The following PVT1 variants were observed in gnomAD, a reference collection of about 807,000 sequenced individuals.
PVT1 encodes Pvt1 oncogene, also known as CXCR4/PVT1 fusion.
At chr8:128,047,066 A>T (rs1813623843) in intron 4 of PVT1, among the ~76,000 whole-genome samples, 1 of 152,218 alleles carries the variant, frequency 6.6e-6, no homozygotes, top group Non-Finnish European at 1.5e-5. Flanking sequence ...TCTTTTGACT[A>T]TCCAAAGGTG....
At chr8:127,947,688 C>T (rs1816439481) in intron 3 of PVT1, 1 of 456,040 alleles carries the variant, frequency 2.2e-6, no homozygotes, top group African/African-American at 2.0e-5. Flanking sequence ...ACATGGCCAG[C>T]TGTGTTGTGA....
chr8:128,065,492 C>T (rs1163832785), intron 4 of PVT1, among the ~76,000 whole-genome samples: 1 of 152,166 alleles, frequency 6.6e-6, no homozygotes, highest in African/African-American at 2.4e-5. Context: ...AGCCAGAAGT[C>T]TCTTCTTCAT....
At chr8:127,946,095 A>G (rs916928903) in intron 3 of PVT1, among the ~76,000 whole-genome samples, 1 of 152,230 alleles carries the variant, frequency 6.6e-6, no homozygotes, top group Non-Finnish European at 1.5e-5. Flanking sequence ...CAGGAAAAAC[A>G]CTGCAGGCCA....
chr8:128,003,650 T>C (rs759620322), intron 4 of PVT1, among the ~76,000 whole-genome samples: 19 of 152,264 alleles, frequency 1.2e-4, no homozygotes, highest in Non-Finnish European at 2.8e-4. Flanking sequence ...TTCTTTTTTA[T>C]AAAATGTCTT....
chr8:127,970,285 ATTTGTTTTTT>A (rs1264369408), intron 3 of PVT1, among the ~76,000 whole-genome samples: 1 of 26,816 alleles, frequency 3.7e-5, no homozygotes, highest in Non-Finnish European at 7.7e-5. Context: ...ATCTGCCATG[ATTTGTTTTTT>A]TTTTTTTTTT....
intron 3 of PVT1, among the ~76,000 whole-genome samples, chr8:127,938,524 A>G (rs1256588217): frequency 3.9e-5 from 6 of 152,232 alleles, no homozygotes. Context: ...TGGCTTCAAA[A>G]ATATATGTAT....
chr8:127,913,422 G>T (rs1019095997), intron 3 of PVT1, among the ~76,000 whole-genome samples: 1 of 152,188 alleles, frequency 6.6e-6, no homozygotes, highest in Non-Finnish European at 1.5e-5. Flanking sequence ...GAGGCCATGG[G>T]GTGTTAAGGT....
At chr8:127,887,800 T>A (rs993749854) in intron 2 of PVT1, among the ~76,000 whole-genome samples, 3 of 151,592 alleles carry the variant, frequency 2.0e-5, no homozygotes, top group African/African-American at 7.3e-5. Context: ...GTGCTGGGAT[T>A]TACAGGCATG....
intron 3 of PVT1, among the ~76,000 whole-genome samples, chr8:127,962,825 G>GGTCTCAAAC (rs1816660668): frequency 6.6e-6 from 1 of 151,950 alleles, no homozygotes; most frequent in African/African-American, 2.4e-5. Flanking sequence ...TCAAACACCT[G>GGTCTCAAAC]ACCTCAGGTG....
intron 3 of PVT1, among the ~76,000 whole-genome samples, chr8:127,960,962 C>T (rs888603532): frequency 4.4e-5 from 6 of 135,820 alleles, no homozygotes; most frequent in Admixed American, 2.3e-4. Flanking sequence ...CGGGCGGGCA[C>T]GAATAGGGGA....
At chr8:127,856,169 G>T (rs781423342) in intron 2 of PVT1, among the ~76,000 whole-genome samples, 40 of 152,094 alleles carry the variant, frequency 2.6e-4, no homozygotes, top group Middle Eastern at 3.4e-3. Context: ...ATGTGTAGAC[G>T]AAAGGATGAG....
At chr8:127,947,777 A>T (rs1302963498) in intron 3 of PVT1, 1 of 456,538 alleles carries the variant, frequency 2.2e-6, no homozygotes, top group Admixed American at 2.3e-5. Context: ...AGGTTTCTGA[A>T]TCTTGTGAAA....
intron 6 of PVT1, among the ~76,000 whole-genome samples, chr8:128,099,055 T>A (rs1814467041): frequency 6.6e-6 from 1 of 152,206 alleles, no homozygotes; most frequent in Non-Finnish European, 1.5e-5. Flanking sequence ...TACCCCATTT[T>A]ACAGACAATT....
rs199686932 is a variant in PVT1, at chr8:127,817,475, ATG to A, written n.372+21420_372+21421del. ...CCCTTAGGGAAATATATATATATAT[ATG>A]TGTGTGTGTGTGTGTATATACATAT... On this transcript the variant is annotated intron_variant and non_coding_transcript_variant, in intron 2 of 10. Transcript: ENST00000651587. Among the ~76,000 whole-genome samples, 30 of 95,260 alleles carry A rather than the reference ATG, an allele frequency of 3.1e-4. 1 individual carries two copies. The highest frequency in any genetic ancestry group is 1.5e-3 in the East Asian group (5 of 3,366). The allele number at this position is 95,260 out of a possible 152,430, so 62.5% of individuals were successfully genotyped here.
At chr8:127,984,909 CTTTCTTTCTTTCTCTTTCTCTT>C (rs1816939534) in intron 3 of PVT1, among the ~76,000 whole-genome samples, 11 of 89,828 alleles carry the variant, frequency 1.2e-4, no homozygotes, top group Admixed American at 1.5e-4. Context: ...TTCTTTCTTT[CTTTCTTTCTTTCTCTTTCTCTT>C]TCTTTCTTTC....
intron 4 of PVT1, among the ~76,000 whole-genome samples, chr8:127,997,779 T>C (rs1165149935): frequency 2.0e-5 from 3 of 152,226 alleles, no homozygotes; most frequent in Non-Finnish European, 4.4e-5. Context: ...TTTACTGAAG[T>C]TGAAACATTA....
Position 127,804,719 on chromosome 8 carries a change from C to CT in PVT1, n.372+8659dup, listed in dbSNP as rs1421093941. On this transcript the variant is annotated intron_variant and non_coding_transcript_variant, in intron 2 of 10. Transcript: ENST00000651587. Reference sequence around the variant, plus strand: ...AAATTTTTTTTCTTTCTTTCTTTTTCTTTTTTTTTTTGTATTTTTAGTTCA... The same window carrying CT: ...AAATTTTTTTTCTTTCTTTCTTTTTCTTTTTTTTTTTTGTATTTTTAGTTCA... 4.3e-3 allele frequency among the ~76,000 whole-genome samples: 609 copies of CT among 140,712 alleles called. 1 individual carries two copies. The highest frequency in any genetic ancestry group is 6.3e-3 in the Non-Finnish European group (405 of 64,102). 92.3% of individuals were successfully genotyped at this position (140,712 alleles called of 152,430 possible).
At chr8:127,959,413 C>G (rs1465311713) in intron 3 of PVT1, among the ~76,000 whole-genome samples, 1 of 151,998 alleles carries the variant, frequency 6.6e-6, no homozygotes, top group Non-Finnish European at 1.5e-5. Context: ...GGTGAAAACC[C>G]ATCTCTACTA....
At position 127,898,941 on chromosome 8, in the gene PVT1, C is replaced by T. The variant is rs146827884; in HGVS notation, n.782+7943C>T. 6.2e-3 allele frequency among the ~76,000 whole-genome samples: 935 copies of T among 151,958 alleles called. 8 individuals are homozygous for T. The highest frequency in any genetic ancestry group is 0.022 in the African/African-American group (904 of 41,422). On this transcript the variant is annotated intron_variant and non_coding_transcript_variant, in intron 3 of 10. Coordinates refer to ENST00000651587, the Ensembl canonical transcript of PVT1. This position sits in a 1 kb window ranked among gnomAD's most constrained non-coding sequence, Gnocchi z 4.4. ...TGGGAAGTGCAATGGACACCCCCAC[C>T]CCCCGTTGACTTATCTGGCTCCAAC...
Sources: gnomAD v4.1 joint callset for allele counts (sites outside exome capture counted in the v4.1 genomes callset) on GRCh38, gnomAD v4.1.1 for gene constraint, Gnocchi (gnomAD v3.1) non-coding constraint, MANE v1.5 for transcripts, NCBI Gene and HGNC (gene_info 2026-07-23, HGNC 2026-07-21) for gene names.